The following NRXN2 variants were observed in gnomAD, a reference collection of about 807,000 sequenced individuals.
NRXN2 encodes neurexin 2, also known as neurexin-2-beta.
A neutral mutation model predicts 128.8 loss-of-function variants in NRXN2; 29 were observed. The ratio of observed to expected loss-of-function variants is 0.23; its 90% CI spans 0.17 to 0.31. The LOEUF is 0.31. NRXN2 is among the 10% of genes least tolerant of loss of function. The pLI is 1.00. For synonymous variants in NRXN2, 1,098 were observed against 1,075.2 expected (o/e 1.02, Z -0.41); for missense variants, 1,881 against 2,452.6 (o/e 0.77, Z 4.92).
At chr11:64,663,116 T>A (rs1448347131) in intron 9 of NRXN2, among the ~76,000 whole-genome samples, 1 of 152,042 alleles carries the variant, frequency 6.6e-6, no homozygotes, top group Non-Finnish European at 1.5e-5. Flanking sequence ...ACACGTGTAA[T>A]CCCAGCACTT....
At chr11:64,701,377 A>G (rs1354613841) in intron 2 of NRXN2, among the ~76,000 whole-genome samples, 3 of 152,212 alleles carry the variant, frequency 2.0e-5, no homozygotes, top group African/African-American at 7.2e-5. Flanking sequence ...GTTTCTGCAC[A>G]TAATATTTCT....
intron 22 of NRXN2, among the ~76,000 whole-genome samples, chr11:64,619,466 A>C (rs1435550204): frequency 6.6e-6 from 1 of 151,150 alleles, no homozygotes; most frequent in Non-Finnish European, 1.5e-5. Flanking sequence ...AGCAGCACTC[A>C]AGGCCACCCC....
rs1422167447 is a variant in NRXN2 at position 64,713,726 on chromosome 11, GC to G, written c.-28del. 4.5e-5 allele frequency: 46 copies of G among 1,030,518 alleles called. 1 individual carries two copies. The Admixed American group carries it at 8.4e-4, about 19-fold the overall frequency. 63.8% of individuals were successfully genotyped at this position (1,030,518 alleles called of 1,614,324 possible). A position where few individuals can be genotyped will look rare whatever the true frequency, so the allele number is the denominator to read the frequency against. ...CCTACGGCGGCCCCGGCCCCGCCCGGCCCCCGGCCCCCGCTCAGGCTTCAGA... is the reference window on the plus strand; with the variant it reads ...CCTACGGCGGCCCCGGCCCCGCCCGGCCCCGGCCCCCGCTCAGGCTTCAGA... On this transcript the variant is annotated 5_prime_UTR_variant, in exon 2 of 23. Coordinates refer to ENST00000265459, the MANE Select transcript of NRXN2 (RefSeq NM_015080.4).
intron 1 of NRXN2, among the ~76,000 whole-genome samples, chr11:64,715,285 G>C (rs2057263487): frequency 6.6e-6 from 1 of 152,178 alleles, no homozygotes; most frequent in Non-Finnish European, 1.5e-5. Flanking sequence ...CAGGTAAAGG[G>C]ATCTGGGGAC....
rs780615654 is a variant in NRXN2 at position 64,660,423 on chromosome 11, G to A, written c.2298C>T (p.Tyr766=). 1.1e-5 allele frequency: 18 copies of A among 1,614,068 alleles called. No individual in the cohort carries two copies. The highest frequency in any genetic ancestry group is 2.7e-5 in the African/African-American group (2 of 74,924). ...VSLRFMSQRA[Y]GLMMATTSRE... ...TGGAAGTGGTGGCCATCATGAGTCC[G>A]TAGGCCCGCTGGGACATGAAACGCA... Residue 766 remains tyrosine (Y), a synonymous_variant, in exon 11 of 23, where the codon TAC becomes TAT. Coordinates refer to ENST00000265459, the MANE Select transcript of NRXN2 (RefSeq NM_015080.4). This position sits in a 1 kb window ranked among gnomAD's most constrained non-coding sequence, Gnocchi z 5.2.
chr11:64,645,881 G>T (rs1374157164), intron 17 of NRXN2, among the ~76,000 whole-genome samples: 1 of 152,082 alleles, frequency 6.6e-6, no homozygotes, highest in Non-Finnish European at 1.5e-5. Flanking sequence ...TGAAACCAGG[G>T]CCTGCCTGCG....
chr11:64,668,820 C>T (rs922071750), intron 7 of NRXN2, among the ~76,000 whole-genome samples: 3 of 152,132 alleles, frequency 2.0e-5, no homozygotes, highest in African/African-American at 7.2e-5. Context: ...TGGGCTAAGA[C>T]CTGCCCTCTG....
rs147573554 is a variant in NRXN2, at chr11:64,613,276, T to C, written c.4253-5194A>G. Among the ~76,000 whole-genome samples the C allele has an allele frequency of 2.0e-3, 309 of 152,364 alleles. 1 individual carries two copies. The highest frequency in any genetic ancestry group is 7.1e-3 in the African/African-American group (294 of 41,588). Reference sequence around the variant, plus strand: ...AGTGAGTGGACCTCTGGCTCTGGCATGTGCCTGCCGGCCACTGAGCCTGGG... The same window carrying C: ...AGTGAGTGGACCTCTGGCTCTGGCACGTGCCTGCCGGCCACTGAGCCTGGG... On this transcript the variant is annotated intron_variant, in intron 22 of 22. Coordinates refer to ENST00000265459, the MANE Select transcript of NRXN2 (RefSeq NM_015080.4).
In NRXN2 at chr11:64,635,310, G is replaced by C; in HGVS notation, c.3546C>G (p.Asp1182Glu). Residue 1182 changes from aspartate to glutamate, a missense_variant, in exon 18 of 23, where the codon GAC becomes GAG. Physicochemically the swap from Asp to Glu is conservative, Grantham distance 45. This residue lies in a region of NRXN2 where 390 missense variants were observed against 599.6 expected (regional missense o/e 0.65). Transcript: ENST00000265459. This position sits in a 1 kb window ranked among gnomAD's most constrained non-coding sequence, Gnocchi z 4.8. ...HQRSAVLVRVDSASGLGDYLQ... is the reference protein window; with the variant it reads ...HQRSAVLVRVESASGLGDYLQ... ...GGTAGTCTCCAAGGCCGGAGGCGCTGTCCACCCGCACCAGCACAGCGCTCC... is the reference window on the plus strand; with the variant it reads ...GGTAGTCTCCAAGGCCGGAGGCGCTCTCCACCCGCACCAGCACAGCGCTCC... 3 of 1,613,440 alleles carry C rather than the reference G, an allele frequency of 1.9e-6. No homozygotes were observed. The highest frequency in any genetic ancestry group is 2.5e-6 in the Non-Finnish European group (3 of 1,179,990).
Position 64,713,124 on chromosome 11 carries a change from C to T in NRXN2, c.576G>A (p.Leu192=). Residue 192 remains leucine, a synonymous_variant, in exon 2 of 23, where the codon CTG becomes CTA. Transcript: ENST00000265459. ...TGGCGCCGCGCAGGCCCTGGCTGCC[C>T]AGCAGCGCGGGGGGCCGCTCGCCCA... The part of the protein sequence containing the change: ...LKLGERPPAL[L]GSQGLRGATA... 6.3e-6 allele frequency: 9 copies of T among 1,425,792 alleles called. No homozygotes were observed. Among genetic ancestry groups the T allele is most frequent in the Admixed American group, 2.5e-5 (1 of 39,362 alleles). The allele number at this position is 1,425,792 out of a possible 1,614,324, so 88.3% of individuals were successfully genotyped here.
chr11:64,635,547 G>A lies in NRXN2; in HGVS notation c.3404-95C>T. 1 of 1,342,034 alleles carries A rather than the reference G, an allele frequency of 7.5e-7. No homozygotes were observed. The highest frequency in any genetic ancestry group is 1.2e-5 in the South Asian group (1 of 81,086). 83.1% of individuals were successfully genotyped at this position (1,342,034 alleles called of 1,614,324 possible). ...TTGTGACCAGAGGGATGGAACCCCA[G>A]GTCTAGATGTGGGACTTCAGCTGTG... On this transcript the variant is annotated intron_variant, in intron 17 of 22. Transcript: ENST00000265459. The surrounding 1 kb of genome is among the most constrained non-coding windows in gnomAD (Gnocchi z 4.8).
At chr11:64,665,956 C>G (rs1251844569) in intron 9 of NRXN2, among the ~76,000 whole-genome samples, 1 of 152,156 alleles carries the variant, frequency 6.6e-6, no homozygotes, top group Non-Finnish European at 1.5e-5. Flanking sequence ...ACAGAAGATT[C>G]AAGAACAGGC....
chr11:64,636,393 CTGGGGG>C (rs976320783), intron 17 of NRXN2, among the ~76,000 whole-genome samples: 12 of 76,562 alleles, frequency 1.6e-4, no homozygotes, highest in Non-Finnish European at 2.5e-4. Flanking sequence ...ACTGAGCTCT[CTGGGGG>C]TGGGGGTGGG....
intron 7 of NRXN2, 37 bp downstream of exon 7, chr11:64,676,956 G>A: frequency 6.3e-7 from 1 of 1,599,512 alleles, no homozygotes; most frequent in Non-Finnish European, 8.6e-7. Flanking sequence ...AAAACCCACG[G>A]CAAACCAAAC....
At chr11:64,668,200 G>A (rs944911989) in intron 8 of NRXN2, among the ~76,000 whole-genome samples, 3 of 152,194 alleles carry the variant, frequency 2.0e-5, no homozygotes, top group Admixed American at 6.5e-5. Flanking sequence ...TCTTTCCTCT[G>A]TACCACAGCT....
At chr11:64,625,981 T>G (rs180821403) in intron 20 of NRXN2, among the ~76,000 whole-genome samples, 94 of 152,264 alleles carry the variant, frequency 6.2e-4, no homozygotes, top group African/African-American at 2.1e-3. Context: ...CTCACATGGC[T>G]CTGGTGAAGC....
intron 15 of NRXN2, 24 bp downstream of exon 15, chr11:64,650,424 C>T: frequency 6.2e-7 from 1 of 1,613,714 alleles, no homozygotes; most frequent in Non-Finnish European, 8.5e-7. Context: ...AGGGCCAGGC[C>T]TTCTCCAGAG....
intron 2 of NRXN2, among the ~76,000 whole-genome samples, chr11:64,710,032 C>T (rs1025328132): frequency 6.6e-6 from 1 of 151,808 alleles, no homozygotes; most frequent in African/African-American, 2.4e-5. Context: ...CTCAGCTTCC[C>T]AAGCAGTGGG....
Position 64,668,521 on chromosome 11 carries a change from G to C in NRXN2, c.1281C>G (p.Phe427Leu). Residue 427 changes from phenylalanine (F) to leucine (L), a missense_variant, in exon 8 of 23, where the codon TTC becomes TTG. Physicochemically the swap from Phe to Leu is conservative, Grantham distance 22 (BLOSUM62 0). Around this residue, in one of 7 missense-constraint regions of NRXN2, gnomAD observed 997 missense variants for 1,240.8 expected, o/e 0.80. Transcript: ENST00000265459. ...CTGTGTTGGGGCTGCCCCCAATGTAGAAGAAGTCATCAGAGCCCAGCATGG... is the reference window on the plus strand; with the variant it reads ...CTGTGTTGGGGCTGCCCCCAATGTACAAGAAGTCATCAGAGCCCAGCATGG... The part of the protein sequence containing the change: ...DYTMLGSDDF[F>L]YIGGSPNTAD... 1.2e-6 allele frequency: 2 copies of C among 1,614,126 alleles called. No homozygotes were observed. Among genetic ancestry groups the C allele is most frequent in the Non-Finnish European group, 1.7e-6 (2 of 1,180,016 alleles).
Sources: allele counts gnomAD v4.1 joint callset (sites outside exome capture counted in the v4.1 genomes callset), GRCh38; gene constraint gnomAD v4.1.1; regional missense constraint gnomAD v4.1.1; non-coding constraint Gnocchi (gnomAD v3.1); transcripts MANE v1.5; gene names NCBI Gene and HGNC (gene_info 2026-07-23, HGNC 2026-07-21).